ATRNL1: variants seen among roughly 807,000 people sequenced by gnomAD.
The protein encoded by ATRNL1 is attractin-like protein 1.
ATRNL1 carries 95 observed loss-of-function variants against 182.7 expected under a neutral mutation model. The ratio of observed to expected loss-of-function variants is 0.52; its 90% CI spans 0.44 to 0.62. The LOEUF is 0.62. ATRNL1 is among the 20% of genes least tolerant of loss of function. The pLI is 0.00. For missense variants in ATRNL1, 1,471 were observed against 1,679.5 expected (o/e 0.88, Z 2.17); for synonymous variants, 576 against 568.3 (o/e 1.01, Z -0.19).
intron 8 of ATRNL1, among the ~76,000 whole-genome samples, chr10:115,196,941 A>G (rs1248641810): frequency 6.6e-6 from 1 of 152,160 alleles, no homozygotes; most frequent in African/African-American, 2.4e-5. Flanking sequence ...ACTACTGAGT[A>G]GAAGTAGTGA....
chr10:115,843,603 T>C (rs1555097897), intron 27 of ATRNL1, among the ~76,000 whole-genome samples: 1 of 152,030 alleles, frequency 6.6e-6, no homozygotes, highest in Non-Finnish European at 1.5e-5. Flanking sequence ...CTGAAAACCC[T>C]GGGAACAGTT....
intron 13 of ATRNL1, among the ~76,000 whole-genome samples, chr10:115,275,991 A>T (rs1316272241): frequency 6.6e-6 from 1 of 152,200 alleles, no homozygotes; most frequent in Non-Finnish European, 1.5e-5. Context: ...GTGAGCCCAT[A>T]TCAATAAATT....
At chr10:115,282,065 C>CATATA (rs55863863) in intron 14 of ATRNL1, among the ~76,000 whole-genome samples, 43,070 of 143,330 alleles carry the variant, frequency 0.3, 6,635 homozygotes, top group African/African-American at 0.36. Context: ...TAATATGTAA[C>CATATA]ATATATTTAT....
At chr10:115,940,672 A>T (rs980713631) in intron 28 of ATRNL1, among the ~76,000 whole-genome samples, 37 of 128,854 alleles carry the variant, frequency 2.9e-4, no homozygotes, top group East Asian at 6.4e-4. Flanking sequence ...GACAGAGATT[A>T]CTCTCTCTCT....
At chr10:115,882,202 A>G (rs569622382) in intron 28 of ATRNL1, among the ~76,000 whole-genome samples, 8 of 152,264 alleles carry the variant, frequency 5.3e-5, no homozygotes, top group Non-Finnish European at 1.2e-4. Context: ...AAGAGCCACA[A>G]AAGGCCTTGA....
intron 9 of ATRNL1, among the ~76,000 whole-genome samples, chr10:115,241,034 T>G (rs1392426067): frequency 6.6e-6 from 1 of 151,994 alleles, no homozygotes; most frequent in African/African-American, 2.4e-5. Flanking sequence ...TCTTATAGTT[T>G]TTTATGTGAG....
chr10:115,413,124 G>A (rs1362453260), intron 20 of ATRNL1, among the ~76,000 whole-genome samples: 3 of 152,108 alleles, frequency 2.0e-5, no homozygotes, highest in Non-Finnish European at 4.4e-5. Flanking sequence ...GGAGTCATTG[G>A]TTTGCATAGC....
chr10:115,587,471 G>T (rs7076487), intron 26 of ATRNL1, among the ~76,000 whole-genome samples: 146,962 of 151,150 alleles, frequency 0.97, 71,622 homozygotes, highest in East Asian at 1. Flanking sequence ...GTGTGCCGTT[G>T]TTTTAGCCCG....
intron 9 of ATRNL1, among the ~76,000 whole-genome samples, chr10:115,234,733 G>C (rs1193546405): frequency 1.3e-5 from 2 of 151,758 alleles, no homozygotes; most frequent in Non-Finnish European, 2.9e-5. Context: ...TGGGACCCCA[G>C]ATGGGTGCCA....
At chr10:115,742,678 T>C (rs1403607937) in intron 27 of ATRNL1, among the ~76,000 whole-genome samples, 1 of 152,192 alleles carries the variant, frequency 6.6e-6, no homozygotes, top group Non-Finnish European at 1.5e-5. Context: ...CTACTGCCCC[T>C]GTTTCAAGCC....
At chr10:115,459,929 G>T (rs1327055283) in intron 21 of ATRNL1, among the ~76,000 whole-genome samples, 1 of 152,126 alleles carries the variant, frequency 6.6e-6, no homozygotes, top group Non-Finnish European at 1.5e-5. Context: ...AAATAGAAAA[G>T]AACCTAAGTG....
At chr10:115,492,705 A>T (rs1365027595) in intron 24 of ATRNL1, among the ~76,000 whole-genome samples, 2 of 136,708 alleles carry the variant, frequency 1.5e-5, no homozygotes, top group African/African-American at 5.7e-5. Flanking sequence ...GTGTAGTGGC[A>T]CAATCTTGGC....
At position 115,559,447 on chromosome 10, in the gene ATRNL1, C is replaced by CGCGCGT. The variant is rs1565165003; in HGVS notation, c.3795+9916_3795+9917insTGCGCG. ...GTGTGTGTGTGTGTGTGTGTGTGCGCGCGCGCACGCACGCACATGCGCAAC... is the reference window on the plus strand; with the variant it reads ...GTGTGTGTGTGTGTGTGTGTGTGCGCGCGCGTGCGCGCACGCACGCACATGCGCAAC... On this transcript the variant is annotated intron_variant, in intron 26 of 28. Coordinates refer to ENST00000355044, the MANE Select transcript of ATRNL1 (RefSeq NM_207303.4). Among the ~76,000 whole-genome samples, 12 of 114,430 alleles carry CGCGCGT rather than the reference C, an allele frequency of 1.0e-4. No individual in the cohort carries two copies. In the South Asian group the frequency reaches 1.8e-3, roughly 17 times the overall value. 75.1% of individuals were successfully genotyped at this position (114,430 alleles called of 152,430 possible). A position where few individuals can be genotyped will look rare whatever the true frequency, so the allele number is the denominator to read the frequency against.
At chr10:115,620,131 C>G (rs1857648284) in intron 26 of ATRNL1, among the ~76,000 whole-genome samples, 1 of 152,132 alleles carries the variant, frequency 6.6e-6, no homozygotes, top group South Asian at 2.1e-4. Context: ...TCTGGTAAAG[C>G]CTCAGGAGGC....
chr10:115,138,783 C>T (rs1845632374), intron 5 of ATRNL1, among the ~76,000 whole-genome samples: 1 of 152,230 alleles, frequency 6.6e-6, no homozygotes, highest in South Asian at 2.1e-4. Context: ...TGGTGATTAA[C>T]ATTCAGCTCC....
chr10:115,538,162 A>T (rs1414085496), intron 25 of ATRNL1, among the ~76,000 whole-genome samples: 1 of 152,232 alleles, frequency 6.6e-6, no homozygotes, highest in Admixed American at 6.5e-5. Flanking sequence ...TGTGATCAAC[A>T]TACATACAAG....
Position 115,433,183 on chromosome 10 carries a change from C to A in ATRNL1, c.3322+6881C>A, listed in dbSNP as rs1554964321. On this transcript the variant is annotated intron_variant, in intron 21 of 28. Transcript: ENST00000355044. ...GAATTTTGTAGTAATAATAAACTAC[C>A]TATTTTGAGAGTAGGAAATTTAAGT... Among the ~76,000 whole-genome samples, 6 of 151,546 alleles carry A rather than the reference C, an allele frequency of 4.0e-5. 1 individual carries two copies. In the South Asian group the frequency reaches 8.3e-4, roughly 21 times the overall value.
intron 23 of ATRNL1, among the ~76,000 whole-genome samples, chr10:115,467,840 G>A (rs373737229): frequency 1.3e-5 from 2 of 150,510 alleles, no homozygotes; most frequent in East Asian, 3.9e-4. Flanking sequence ...ATTATGAAAT[G>A]TATTCTTACT....
At chr10:115,561,682 TGTGTGTGG>T (rs147929581) in intron 26 of ATRNL1, among the ~76,000 whole-genome samples, 4 of 53,118 alleles carry the variant, frequency 7.5e-5, no homozygotes, top group East Asian at 8.8e-4. Context: ...TGTGTGTGTG[TGTGTGTGG>T]GTGTGTGTGT....
Sources: allele counts gnomAD v4.1 joint callset (sites outside exome capture counted in the v4.1 genomes callset), GRCh38; gene constraint gnomAD v4.1.1; transcripts MANE v1.5; gene names NCBI Gene and HGNC (gene_info 2026-07-23, HGNC 2026-07-21).